The following TRAK2 variants were observed in gnomAD, a reference collection of about 807,000 sequenced individuals.
The protein encoded by TRAK2 is trafficking kinesin protein 2, also known as trafficking kinesin-binding protein 2.
TRAK2 carries 81 observed loss-of-function variants against 104.6 expected under a neutral mutation model. The ratio of observed to expected loss-of-function variants is 0.77; its 90% CI spans 0.65 to 0.93. The LOEUF (loss-of-function observed/expected upper bound fraction) is 0.93. Ranked by LOEUF, TRAK2 falls within the 40% of genes least tolerant of loss-of-function variation. The probability of loss-of-function intolerance (pLI) is 0.00; values close to 1 mark genes in which losing one functional copy is unlikely to be tolerated. For missense variants in TRAK2, 1,002 were observed against 1,089.0 expected (o/e 0.92, Z 1.12); for synonymous variants, 406 against 394.4 (o/e 1.03, Z -0.35).
At chr2:201,412,238 C>A in intron 2 of TRAK2, 1 of 991,484 alleles carries the variant, frequency 1.0e-6, no homozygotes, top group Non-Finnish European at 1.6e-6. Flanking sequence ...GGCAGTAGAA[C>A]CTTTGGCAGT....
At chr2:201,392,165 G>A (rs955487604) in intron 10 of TRAK2, among the ~76,000 whole-genome samples, 4 of 152,198 alleles carry the variant, frequency 2.6e-5, no homozygotes, top group Non-Finnish European at 5.9e-5. Context: ...GAATGATATG[G>A]CAAAAGCAAT....
intron 4 of TRAK2, 75 bp from the exon 5 acceptor site, chr2:201,399,568 G>T: frequency 1.8e-6 from 2 of 1,116,582 alleles, no homozygotes; most frequent in Non-Finnish European, 2.7e-6. Context: ...TTTGTGGTCA[G>T]TTTTGGTAAA....
rs1315772738 is a variant in TRAK2 at position 201,384,115 on chromosome 2, G to A, written c.2065C>T (p.Pro689Ser). Residue 689 changes from proline to serine, a missense_variant, in exon 15 of 16, where the codon CCC becomes TCC. Pro to Ser is a moderately conservative substitution (Grantham distance 74). Transcript: ENST00000332624. ...LHPSDITQVT[P>S]SSGFPSLSCG... ...AGATTTCCCAGGCACTCTTACCTGG[G>A]GGTAACCTGAGTGATGTCAGAGGGA... is the stretch of plus-strand genomic sequence containing the variant. 1 of 1,608,766 alleles carries A rather than the reference G, an allele frequency of 6.2e-7. No homozygotes were observed. The highest frequency in any genetic ancestry group is 8.5e-7 in the Non-Finnish European group (1 of 1,177,118).
chr2:201,446,226 CA>C (rs1251889438), intron 1 of TRAK2, among the ~76,000 whole-genome samples: 1 of 152,104 alleles, frequency 6.6e-6, no homozygotes. Flanking sequence ...ATATTCCAGC[CA>C]AAAGAAAGAA....
Position 201,447,471 on chromosome 2 carries a change from AT to A in TRAK2, c.-200+3878del, listed in dbSNP as rs772384084. On this transcript the variant is annotated intron_variant, in intron 1 of 15. Transcript: ENST00000332624. This position sits in a 1 kb window ranked among gnomAD's most constrained non-coding sequence, Gnocchi z 4.1. ...TGGGTGGCTTCAACAACAGAAATTT[AT>A]TTTTTCACAATACTGGAGTCTGGAA... Among the ~76,000 whole-genome samples the A allele has an allele frequency of 6.6e-6, 1 of 152,196 alleles. No homozygotes were observed. The highest frequency in any genetic ancestry group is 2.1e-4 in the South Asian group (1 of 4,824).
chr2:201,451,245 C>CGCGTGACCTCCGGGTT (rs1235595204), intron 1 of TRAK2, 105 bp downstream of exon 1: 3 of 152,366 alleles, frequency 2.0e-5, no homozygotes, highest in Non-Finnish European at 2.9e-5. Flanking sequence ...CCGACGTCCG[C>CGCGTGACCTCCGGGTT]GCGTGACCTC....
intron 3 of TRAK2, among the ~76,000 whole-genome samples, chr2:201,405,906 CG>C (rs2125648824): frequency 6.6e-6 from 1 of 152,196 alleles, no homozygotes; most frequent in East Asian, 1.9e-4. Context: ...TGCTTGAACC[CG>C]GGGCGGGCAG....
At chr2:201,407,628 A>G (rs1951607256) in intron 2 of TRAK2, 31 bp from the exon 3 acceptor site, 1 of 1,550,434 alleles carries the variant, frequency 6.4e-7, no homozygotes, top group Non-Finnish European at 8.7e-7. Context: ...AAATGAATCC[A>G]ATATATTTCA....
chr2:201,409,291 T>G (rs1282899727), intron 2 of TRAK2, among the ~76,000 whole-genome samples: 35 of 152,128 alleles, frequency 2.3e-4, no homozygotes, highest in Non-Finnish European at 4.4e-5. Context: ...TTTTTTTTTT[T>G]TGAGAGAGAA....
chr2:201,424,229 C>T (rs1951766896), intron 1 of TRAK2, among the ~76,000 whole-genome samples: 1 of 152,204 alleles, frequency 6.6e-6, no homozygotes, highest in Admixed American at 6.5e-5. Context: ...GAACTAGGGC[C>T]TCTGCCAACC....
intron 11 of TRAK2, 139 bp downstream of exon 11, chr2:201,389,662 A>G: frequency 2.8e-6 from 3 of 1,073,532 alleles, no homozygotes; most frequent in South Asian, 1.5e-5. Flanking sequence ...CTCTCTCACA[A>G]AAAAAGGACA....
At chr2:201,395,958 A>G (rs1951497400) in intron 7 of TRAK2, among the ~76,000 whole-genome samples, 1 of 152,210 alleles carries the variant, frequency 6.6e-6, no homozygotes, top group African/African-American at 2.4e-5. Flanking sequence ...TAGGAGACAG[A>G]CTTTCTGGCA....
At chr2:201,418,946 C>T (rs2125654032) in intron 2 of TRAK2, among the ~76,000 whole-genome samples, 1 of 152,204 alleles carries the variant, frequency 6.6e-6, no homozygotes, top group Non-Finnish European at 1.5e-5. Context: ...AAGTCTGGGA[C>T]AAAATACGGT....
chr2:201,398,041 C>T, intron 6 of TRAK2, 104 bp downstream of exon 6: 1 of 1,084,754 alleles, frequency 9.2e-7, no homozygotes, highest in South Asian at 1.4e-5. Flanking sequence ...AATTGGAATG[C>T]CAATAGCAAA....
In TRAK2 at chr2:201,403,064, G is replaced by A. The variant is rs149466964; in HGVS notation, c.287-1970C>T. Among the ~76,000 whole-genome samples, 182 of 50,286 alleles carry A rather than the reference G, an allele frequency of 3.6e-3. 3 individuals carry two copies. The East Asian group carries it at 0.084, about 23-fold the overall frequency. The allele number at this position is 50,286 out of a possible 152,430, so 33.0% of individuals were successfully genotyped here. On this transcript the variant is annotated intron_variant, in intron 3 of 15. Coordinates refer to ENST00000332624, the MANE Select transcript of TRAK2 (RefSeq NM_015049.3). ...GCAGATTTAACTTGGAGTAAGACCA[G>A]TAAGTTAAGGATATAAAAACAACTG...
At chr2:201,445,364 A>G (rs1008222829) in intron 1 of TRAK2, among the ~76,000 whole-genome samples, 1 of 152,224 alleles carries the variant, frequency 6.6e-6, no homozygotes, top group Non-Finnish European at 1.5e-5. Flanking sequence ...AAAGTACTAA[A>G]AAAAGATAAA....
At position 201,413,031 on chromosome 2, in the gene TRAK2, G is replaced by A. The variant is rs151250299; in HGVS notation, c.92-5434C>T. 227 of 780,932 alleles carry A rather than the reference G, an allele frequency of 2.9e-4. 2 individuals are homozygous for A. The African/African-American group carries it at 3.0e-3, about 10-fold the overall frequency. 48.4% of individuals were successfully genotyped at this position (780,932 alleles called of 1,614,324 possible). ...GTAAGAAGTCGAGGGTGTTGAAGTC[G>A]AGTTAAGTGTTGGACTCCTCATTTT... On this transcript the variant is annotated intron_variant, in intron 2 of 15. Transcript: ENST00000332624.
rs548902839 is a variant in TRAK2 at position 201,420,145 on chromosome 2, G to A, written c.91+272C>T. Among the ~76,000 whole-genome samples the A allele has an allele frequency of 7.9e-5, 12 of 152,238 alleles. No homozygotes were observed. In the East Asian group the frequency reaches 1.9e-3, roughly 24 times the overall value. Reference sequence around the variant, plus strand: ...ACAGGTAACTCTGTCCTTACCCTGTGGAGATCAGATGGATATGATGCAGCT... The same window carrying A: ...ACAGGTAACTCTGTCCTTACCCTGTAGAGATCAGATGGATATGATGCAGCT... On this transcript the variant is annotated intron_variant, in intron 2 of 15. Transcript: ENST00000332624.
intron 10 of TRAK2, 78 bp from the exon 11 acceptor site, chr2:201,389,958 G>A: frequency 8.9e-7 from 1 of 1,117,998 alleles, no homozygotes; most frequent in Admixed American, 2.5e-5. Context: ...TATACTTTTG[G>A]TTTTATAATA....
Sources: gnomAD v4.1 joint callset for allele counts (sites outside exome capture counted in the v4.1 genomes callset) on GRCh38, gnomAD v4.1.1 for gene constraint, Gnocchi (gnomAD v3.1) non-coding constraint, MANE v1.5 for transcripts, NCBI Gene and HGNC (gene_info 2026-07-23, HGNC 2026-07-21) for gene names.